ADGRB3: variants seen among roughly 807,000 people sequenced by gnomAD.
ADGRB3 encodes the protein adhesion G protein-coupled receptor B3.
A neutral mutation model predicts 193.4 loss-of-function variants in ADGRB3; 37 were observed. The ratio of observed to expected loss-of-function variants is 0.19; its 90% CI spans 0.15 to 0.25. ADGRB3 has a LOEUF of 0.25. ADGRB3 is among the 10% of genes least tolerant of loss of function. ADGRB3 has a pLI of 1.00. For synonymous variants in ADGRB3, 690 were observed against 644.2 expected (o/e 1.07, Z -1.08); for missense variants, 1,637 against 1,852.9 (o/e 0.88, Z 2.14).
intron 15 of ADGRB3, among the ~76,000 whole-genome samples, chr6:69,057,269 C>G (rs1435629042): frequency 6.6e-6 from 1 of 151,966 alleles, no homozygotes; most frequent in African/African-American, 2.4e-5. Context: ...TGAATTTGTT[C>G]TTTAATTATA....
chr6:69,323,483 A>G (rs1212630382), intron 20 of ADGRB3, among the ~76,000 whole-genome samples: 3 of 152,104 alleles, frequency 2.0e-5, no homozygotes, highest in South Asian at 2.1e-4. Context: ...GAGTATAGGT[A>G]TGAGGAAGTT....
At chr6:68,776,929 T>A (rs1423369537) in intron 3 of ADGRB3, among the ~76,000 whole-genome samples, 1 of 152,150 alleles carries the variant, frequency 6.6e-6, no homozygotes, top group African/African-American at 2.4e-5. Context: ...TCTTTACAGA[T>A]CTTTAATTAG....
At chr6:68,746,088 C>A (rs898287312) in intron 3 of ADGRB3, among the ~76,000 whole-genome samples, 1 of 151,960 alleles carries the variant, frequency 6.6e-6, no homozygotes, top group Non-Finnish European at 1.5e-5. Context: ...CATTTTTTCC[C>A]ATTTTTAAAT....
At chr6:69,006,696 C>A (rs984767260) in intron 11 of ADGRB3, among the ~76,000 whole-genome samples, 1 of 151,564 alleles carries the variant, frequency 6.6e-6, no homozygotes, top group Non-Finnish European at 1.5e-5. Context: ...TTAGTAGAGA[C>A]CGAGTTTCAC....
intron 17 of ADGRB3, among the ~76,000 whole-genome samples, chr6:69,088,333 A>T (rs555230721): frequency 6.6e-6 from 1 of 152,164 alleles, no homozygotes; most frequent in Admixed American, 6.5e-5. Context: ...CTAGTTCAAT[A>T]TATACAATAA....
intron 29 of ADGRB3, among the ~76,000 whole-genome samples, chr6:69,370,592 C>T (rs1337505032): frequency 6.6e-6 from 1 of 152,064 alleles, no homozygotes; most frequent in Non-Finnish European, 1.5e-5. Context: ...TTCCATATTT[C>T]ACATTGACAT....
chr6:68,891,123 AAG>A (rs1165564998), intron 3 of ADGRB3, among the ~76,000 whole-genome samples: 2 of 152,274 alleles, frequency 1.3e-5, no homozygotes, highest in East Asian at 3.9e-4. Context: ...GCAGCAGGCA[AAG>A]AGAGAATTTG....
intron 17 of ADGRB3, among the ~76,000 whole-genome samples, chr6:69,127,998 C>T (rs1026423689): frequency 2.0e-5 from 3 of 151,554 alleles, no homozygotes; most frequent in East Asian, 1.9e-4. Context: ...CCATCTCTCT[C>T]GAGAGAAAAG....
intron 17 of ADGRB3, among the ~76,000 whole-genome samples, chr6:69,140,246 A>T (rs1047608212): frequency 1.3e-5 from 2 of 152,240 alleles, no homozygotes; most frequent in Non-Finnish European, 2.9e-5. Flanking sequence ...ATGACAGTTC[A>T]TGGGAATTGT....
intron 3 of ADGRB3, among the ~76,000 whole-genome samples, chr6:68,862,501 A>G (rs1765185656): frequency 6.6e-6 from 1 of 152,194 alleles, no homozygotes; most frequent in Non-Finnish European, 1.5e-5. Flanking sequence ...CAATCTTCAT[A>G]GTGATTTTGT....
At chr6:69,082,386 C>T (rs2150314784) in intron 17 of ADGRB3, among the ~76,000 whole-genome samples, 1 of 152,138 alleles carries the variant, frequency 6.6e-6, no homozygotes, top group East Asian at 1.9e-4. Flanking sequence ...AATATAGATT[C>T]ACCCATAATT....
intron 17 of ADGRB3, among the ~76,000 whole-genome samples, chr6:69,230,360 G>T (rs1766106373): frequency 6.6e-6 from 1 of 152,148 alleles, no homozygotes; most frequent in Non-Finnish European, 1.5e-5. Context: ...GACATTGGAA[G>T]AATAATGTGA....
At chr6:68,813,474 T>C (rs549101744) in intron 3 of ADGRB3, among the ~76,000 whole-genome samples, 1 of 152,090 alleles carries the variant, frequency 6.6e-6, no homozygotes, top group East Asian at 1.9e-4. Context: ...ATATTAGACC[T>C]AATATTACCT....
At chr6:69,070,776 A>G (rs2150310855) in intron 16 of ADGRB3, among the ~76,000 whole-genome samples, 1 of 152,372 alleles carries the variant, frequency 6.6e-6, no homozygotes, top group Middle Eastern at 3.4e-3. Context: ...CTGTGAAAAC[A>G]TCATTAATAT....
intron 3 of ADGRB3, among the ~76,000 whole-genome samples, chr6:68,707,050 G>T (rs1765336767): frequency 6.8e-6 from 1 of 147,028 alleles, no homozygotes; most frequent in South Asian, 2.1e-4. Context: ...GGCGGAGTTT[G>T]CAGTGAGCCA....
chr6:68,823,985 T>C (rs1767794282), intron 3 of ADGRB3, among the ~76,000 whole-genome samples: 1 of 152,174 alleles, frequency 6.6e-6, no homozygotes, highest in African/African-American at 2.4e-5. Flanking sequence ...ATTGCCCTGG[T>C]ATGCTGAAGA....
At chr6:68,882,413 G>C (rs976685865) in intron 3 of ADGRB3, among the ~76,000 whole-genome samples, 1 of 152,094 alleles carries the variant, frequency 6.6e-6, no homozygotes, top group East Asian at 1.9e-4. Context: ...TGTGAATATA[G>C]GACTGTTCCT....
At position 68,870,297 on chromosome 6, in the gene ADGRB3, G is replaced by T. The variant is rs1251347522; in HGVS notation, c.758-60262G>T. Among the ~76,000 whole-genome samples, 9 of 152,168 alleles carry T rather than the reference G, an allele frequency of 5.9e-5. No homozygotes were observed. In the East Asian group the frequency reaches 1.5e-3, roughly 26 times the overall value. On this transcript the variant is annotated intron_variant, in intron 3 of 31. Coordinates refer to ENST00000370598, the MANE Select transcript of ADGRB3 (RefSeq NM_001704.3). ...CATCTGGTTGAGAAGTCACCAACTGGTGGCTCAGGAGCCGCATTAAATCAC... is the reference window on the plus strand; with the variant it reads ...CATCTGGTTGAGAAGTCACCAACTGTTGGCTCAGGAGCCGCATTAAATCAC...
rs796888888 is a variant in ADGRB3, at chr6:68,650,469, A to G, written c.757+11037A>G. Among the ~76,000 whole-genome samples the G allele has an allele frequency of 2.0e-5, 3 of 152,152 alleles. No homozygotes were observed. In the South Asian group the frequency reaches 6.2e-4, roughly 32 times the overall value. ...TTGCACTGCCCTAGATGTTCAAAGAAATTTGTGTGAGCTGACAAAAACAAA... is the reference window on the plus strand; with the variant it reads ...TTGCACTGCCCTAGATGTTCAAAGAGATTTGTGTGAGCTGACAAAAACAAA... On this transcript the variant is annotated intron_variant, in intron 3 of 31. Transcript: ENST00000370598.
Sources: allele counts gnomAD v4.1 joint callset (sites outside exome capture counted in the v4.1 genomes callset), GRCh38; gene constraint gnomAD v4.1.1; transcripts MANE v1.5; gene names NCBI Gene and HGNC (gene_info 2026-07-23, HGNC 2026-07-21).